Variants in ZNF383 observed in about 807,000 individuals in gnomAD.
ZNF383 encodes the protein zinc finger protein 383.
ZNF383 carries 32 observed loss-of-function variants against 44.2 expected under a neutral mutation model. The observed-to-expected ratio is 0.72, with a 90% confidence interval of 0.55 to 0.97. The LOEUF is 0.97. Ranked by LOEUF, ZNF383 falls within the 50% of genes least tolerant of loss-of-function variation. ZNF383 has a pLI of 0.00. For synonymous variants in ZNF383, 155 were observed against 186.2 expected (o/e 0.83, Z 1.36); for missense variants, 487 against 562.5 (o/e 0.87, Z 1.36).
intron 3 of ZNF383, among the ~76,000 whole-genome samples, chr19:37,235,199 G>A (rs570509700): frequency 6.6e-6 from 1 of 152,084 alleles, no homozygotes; most frequent in African/African-American, 2.4e-5. Context: ...CTTGAACCCA[G>A]GAGGCGGAGG....
At position 37,248,507 on chromosome 19, in the gene ZNF383, A is replaced by G. The variant is rs888553265; in HGVS notation, c.*4843A>G. On this transcript the variant is annotated 3_prime_UTR_variant, in exon 6 of 6. Coordinates refer to ENST00000684119, the MANE Select transcript of ZNF383 (RefSeq NM_001387601.1). ...AAACTTGAAAATCAAATTGATTTAG[A>G]TAAGATTGTATTTCTTAGTGTCTGA... The G allele has an allele frequency of 6.6e-6, 1 of 152,246 alleles. No individual in the cohort carries two copies. The highest frequency in any genetic ancestry group is 1.5e-5 in the Non-Finnish European group (1 of 68,034). The allele number at this position is 152,246 out of a possible 1,614,324, so 9.4% of individuals were successfully genotyped here.
chr19:37,231,729 G>A (rs915336057), intron 3 of ZNF383, among the ~76,000 whole-genome samples: 4 of 152,124 alleles, frequency 2.6e-5, no homozygotes, highest in Non-Finnish European at 5.9e-5. Flanking sequence ...GCTGTGTAAC[G>A]TGACCTTAAA....
In ZNF383 at chr19:37,244,365, G is replaced by T; in HGVS notation, c.*701G>T. 1 of 151,402 alleles carries T rather than the reference G, an allele frequency of 6.6e-6. No individual in the cohort carries two copies. Among genetic ancestry groups the T allele is most frequent in the Non-Finnish European group, 1.5e-5 (1 of 68,592 alleles). The allele number at this position is 151,402 out of a possible 1,614,324, so 9.4% of individuals were successfully genotyped here. On this transcript the variant is annotated 3_prime_UTR_variant, in exon 6 of 6. Coordinates refer to ENST00000684119, the MANE Select transcript of ZNF383 (RefSeq NM_001387601.1). ...CCCAAAGTGCTGGGATTACAGGCAT[G>T]AGCGATTGCACCTGGCTTTATTTTT... is the stretch of plus-strand genomic sequence containing the variant.
Position 37,220,573 on chromosome 19 carries a change from TG to T in ZNF383, c.-168+2300del, listed in dbSNP as rs200517323. The stretch of plus-strand genomic sequence containing the variant: ...GGCCTATATTTGTTTTTTTTTTTGT[TG>T]TTGTTTAATCCCTTTATATTACGTA... On this transcript the variant is annotated intron_variant, in intron 1 of 5. Transcript: ENST00000684119. Among the ~76,000 whole-genome samples the T allele has an allele frequency of 7.5e-4, 107 of 143,386 alleles. 3 individuals are homozygous for T. Among genetic ancestry groups the T allele is most frequent in the South Asian group, 2.4e-3 (11 of 4,576 alleles). 94.1% of individuals were successfully genotyped at this position (143,386 alleles called of 152,430 possible).
intron 3 of ZNF383, among the ~76,000 whole-genome samples, chr19:37,235,238 A>C (rs1286740647): frequency 1.3e-5 from 2 of 151,264 alleles, no homozygotes; most frequent in African/African-American, 4.9e-5. Context: ...ATGCCACTGC[A>C]CTCTAGTCTG....
chr19:37,220,336 T>C (rs1242914439), intron 1 of ZNF383, among the ~76,000 whole-genome samples: 1 of 152,190 alleles, frequency 6.6e-6, no homozygotes, highest in Non-Finnish European at 1.5e-5. Context: ...AGATCTCAGC[T>C]CACTGCAACC....
At chr19:37,239,361 ATAT>A (rs950359670) in intron 5 of ZNF383, among the ~76,000 whole-genome samples, 20 of 152,218 alleles carry the variant, frequency 1.3e-4, no homozygotes, top group Admixed American at 1.3e-3. Flanking sequence ...AGATACGTTC[ATAT>A]TATTTTACTG....
At chr19:37,230,606 A>G (rs750695678) in intron 3 of ZNF383, 144 bp downstream of exon 3, 5 of 785,944 alleles carry the variant, frequency 6.4e-6, no homozygotes, top group Non-Finnish European at 8.3e-6. Context: ...TTAGCTAGAT[A>G]ATCCTATACC....
rs112162478 is a variant in ZNF383 at position 37,235,879 on chromosome 19, T to C, written c.137-100T>C. The C allele has an allele frequency of 2.4e-3, 3,057 of 1,248,322 alleles. 77 individuals are homozygous for C. The African/African-American group carries it at 0.042, about 17-fold the overall frequency. 77.3% of individuals were successfully genotyped at this position (1,248,322 alleles called of 1,614,324 possible). ...GTTGAAGCTTCATCTTCATCTTTCT[T>C]TGGCTGTTCCTGTAGTGGCATCTCT... On this transcript the variant is annotated intron_variant, in intron 4 of 5. Transcript: ENST00000684119.
intron 3 of ZNF383, among the ~76,000 whole-genome samples, chr19:37,234,161 G>A (rs1973651494): frequency 6.6e-6 from 1 of 152,132 alleles, no homozygotes; most frequent in Admixed American, 6.5e-5. Flanking sequence ...ACCACGCACG[G>A]CCCACATCTA....
intron 2 of ZNF383, among the ~76,000 whole-genome samples, chr19:37,228,345 GT>G (rs1973287549): frequency 6.6e-6 from 1 of 151,588 alleles, no homozygotes; most frequent in Non-Finnish European, 1.5e-5. Flanking sequence ...TATGGCTTGG[GT>G]TTTTTTAGGT....
At position 37,242,918 on chromosome 19, in the gene ZNF383, T is replaced by A. The variant is rs1974196797; in HGVS notation, c.682T>A (p.Cys228Ser). ...KIHTGEKPFE[C>S]KECGKAFSCS... ...TCATACTGGCGAAAAACCCTTTGAA[T>A]GTAAGGAATGTGGAAAGGCCTTCAG... The change falls in exon 6 of 6, where the codon TGT becomes AGT. Residue 228 changes from cysteine to serine, a missense_variant. By Grantham distance (112) the Cys-to-Ser change is moderately radical (BLOSUM62 -1). Coordinates refer to ENST00000684119, the MANE Select transcript of ZNF383 (RefSeq NM_001387601.1). 6.2e-7 allele frequency: 1 copy of A among 1,614,048 alleles called. No homozygotes were observed. The highest frequency in any genetic ancestry group is 1.1e-5 in the South Asian group (1 of 91,092).
At chr19:37,234,159 C>A (rs1044447660) in intron 3 of ZNF383, among the ~76,000 whole-genome samples, 1 of 152,114 alleles carries the variant, frequency 6.6e-6, no homozygotes, top group African/African-American at 2.4e-5. Flanking sequence ...CCACCACGCA[C>A]GGCCCACATC....
intron 5 of ZNF383, among the ~76,000 whole-genome samples, chr19:37,242,026 AAGATACTATATATAGTAT>A (rs1296351704): frequency 5.2e-4 from 1 of 1,922 alleles, no homozygotes; most frequent in Non-Finnish European, 1.1e-3. Context: ...ATATACTATA[AAGATACTATATATAGTAT>A]AGATACTATA....
chr19:37,243,303 A>G lies in ZNF383; in HGVS notation c.1067A>G (p.His356Arg). The change falls in exon 6 of 6, where the codon CAT (histidine) becomes CGT (arginine). Residue 356 changes from histidine (H) to arginine (R), a missense_variant. Coordinates refer to ENST00000684119, the MANE Select transcript of ZNF383 (RefSeq NM_001387601.1). ...AFSSGSALTNHQRIHTGEKPY... is the reference protein window; with the variant it reads ...AFSSGSALTNRQRIHTGEKPY... Reference sequence around the variant, plus strand: ...AGTAGTGGCTCAGCACTTACTAATCATCAGAGAATTCACACTGGTGAGAAA... The same window carrying G: ...AGTAGTGGCTCAGCACTTACTAATCGTCAGAGAATTCACACTGGTGAGAAA... 1.9e-6 allele frequency: 3 copies of G among 1,614,192 alleles called. No homozygotes were observed. Among genetic ancestry groups the G allele is most frequent in the Non-Finnish European group, 2.5e-6 (3 of 1,180,024 alleles).
chr19:37,225,057 G>A (rs1022153388), intron 2 of ZNF383, 118 bp downstream of exon 2: 1 of 152,320 alleles, frequency 6.6e-6, no homozygotes, highest in East Asian at 1.9e-4. Context: ...GCCTCCCAAA[G>A]TGGTGGGATT....
intron 3 of ZNF383, among the ~76,000 whole-genome samples, chr19:37,232,717 C>T (rs967419781): frequency 6.6e-6 from 1 of 152,154 alleles, no homozygotes; most frequent in Non-Finnish European, 1.5e-5. Flanking sequence ...AAGGACAGTT[C>T]ATATAGGAAA....
At chr19:37,235,257 A>C (rs1415484388) in intron 3 of ZNF383, among the ~76,000 whole-genome samples, 1 of 151,782 alleles carries the variant, frequency 6.6e-6, no homozygotes, top group Non-Finnish European at 1.5e-5. Context: ...TGGGTGACAA[A>C]AGCGAATTTC....
chr19:37,243,679 C>T lies in ZNF383; in HGVS notation c.*15C>T, dbSNP rs550712725. 1 of 1,455,686 alleles carries T rather than the reference C, an allele frequency of 6.9e-7. No individual in the cohort carries two copies. The highest frequency in any genetic ancestry group is 2.3e-5 in the East Asian group (1 of 43,624). The allele number at this position is 1,455,686 out of a possible 1,614,324, so 90.2% of individuals were successfully genotyped here. A position where few individuals can be genotyped will look rare whatever the true frequency, so the allele number is the denominator to read the frequency against. ...CTAATAAATAATAAAAATTAAAGCC[C>T]CTGTCACCTTCCTCATATTTTAAAC... On this transcript the variant is annotated 3_prime_UTR_variant, in exon 6 of 6. Transcript: ENST00000684119.
Sources: allele counts gnomAD v4.1 joint callset (sites outside exome capture counted in the v4.1 genomes callset), GRCh38; gene constraint gnomAD v4.1.1; transcripts MANE v1.5; gene names NCBI Gene and HGNC (gene_info 2026-07-23, HGNC 2026-07-21).